Variants in PDE11A observed in about 807,000 individuals in gnomAD.
PDE11A encodes dual 3',5'-cyclic-AMP and -GMP phosphodiesterase 11A.
A neutral mutation model predicts 100.5 loss-of-function variants in PDE11A; 100 were observed. The observed-to-expected ratio is 1.00, with a 90% CI of 0.85 to 1.18. The LOEUF is 1.18. PDE11A is among the 50% of genes most tolerant of loss of function. PDE11A has a pLI of 0.00. For synonymous variants in PDE11A, 381 were observed against 420.8 expected (o/e 0.91, Z 1.16); for missense variants, 1,141 against 1,152.6 (o/e 0.99, Z 0.15).
At chr2:178,025,982 T>G (rs1040351885) in intron 1 of PDE11A, among the ~76,000 whole-genome samples, 1 of 151,844 alleles carries the variant, frequency 6.6e-6, no homozygotes, top group Non-Finnish European at 1.5e-5. Flanking sequence ...AGACAAACAG[T>G]CAGAAAGTAG....
chr2:177,955,448 G>A (rs1220722525), intron 2 of PDE11A, among the ~76,000 whole-genome samples: 1 of 152,170 alleles, frequency 6.6e-6, no homozygotes, highest in East Asian at 1.9e-4. Context: ...AGGAGAAAGG[G>A]CAATAAATGA....
At chr2:177,743,536 T>A (rs1574098873) in intron 10 of PDE11A, among the ~76,000 whole-genome samples, 1 of 152,286 alleles carries the variant, frequency 6.6e-6, no homozygotes, top group Middle Eastern at 3.4e-3. Context: ...AGGGTAGAGA[T>A]GTCAGGAAAA....
intron 10 of PDE11A, among the ~76,000 whole-genome samples, chr2:177,749,761 ATT>A (rs386653094): frequency 7.2e-5 from 11 of 152,314 alleles, no homozygotes; most frequent in African/African-American, 2.6e-4. Flanking sequence ...AACTTGAATA[ATT>A]TCTAAGGCCC....
chr2:177,985,680 C>T (rs1271729172), intron 2 of PDE11A, among the ~76,000 whole-genome samples: 1 of 152,338 alleles, frequency 6.6e-6, no homozygotes, highest in East Asian at 1.9e-4. Flanking sequence ...GTGTATCTCA[C>T]TGAACAAGTC....
chr2:177,746,932 T>C (rs562616998), intron 10 of PDE11A, among the ~76,000 whole-genome samples: 1 of 152,158 alleles, frequency 6.6e-6, no homozygotes, highest in African/African-American at 2.4e-5. Context: ...TGAAATAAGA[T>C]AGATACCAGA....
intron 2 of PDE11A, among the ~76,000 whole-genome samples, chr2:177,928,127 G>T (rs1332452113): frequency 9.4e-6 from 1 of 106,128 alleles, no homozygotes; most frequent in African/African-American, 3.6e-5. Context: ...AAAAAAAAAA[G>T]CCATGAGATA....
At chr2:177,987,437 A>C (rs2085953662) in intron 2 of PDE11A, among the ~76,000 whole-genome samples, 1 of 152,196 alleles carries the variant, frequency 6.6e-6, no homozygotes. Flanking sequence ...GAAATGTTTA[A>C]CTTTGAACCA....
chr2:178,076,819 T>C (rs899042633), upstream of PDE11A, among the ~76,000 whole-genome samples: 3 of 152,228 alleles, frequency 2.0e-5, no homozygotes, highest in Admixed American at 2.0e-4. Context: ...TGTGGCTGCA[T>C]TCAACTGGCA....
intron 9 of PDE11A, among the ~76,000 whole-genome samples, chr2:177,795,528 G>A (rs2082694152): frequency 6.6e-6 from 1 of 152,094 alleles, no homozygotes; most frequent in Admixed American, 6.5e-5. Flanking sequence ...ATGGAGAAGG[G>A]GGTGGGGGCT....
chr2:177,987,878 GAAGTCTTTGTA>G (rs1389139179), intron 2 of PDE11A, among the ~76,000 whole-genome samples: 1 of 152,160 alleles, frequency 6.6e-6, no homozygotes, highest in African/African-American at 2.4e-5. Context: ...TTCCTTCAAA[GAAGTCTTTGTA>G]AAGTCTTTCT....
chr2:177,788,524 G>T (rs1211188951), intron 9 of PDE11A, among the ~76,000 whole-genome samples: 2 of 151,338 alleles, frequency 1.3e-5, no homozygotes, highest in Admixed American at 1.3e-4. Flanking sequence ...CAGAAGGCAA[G>T]AAATAACTAA....
chr2:177,725,477 G>A (rs1345483563), intron 12 of PDE11A, among the ~76,000 whole-genome samples: 1 of 151,958 alleles, frequency 6.6e-6, no homozygotes, highest in Non-Finnish European at 1.5e-5. Flanking sequence ...TTTTTGTTTT[G>A]TGATCTCCTC....
chr2:178,082,423 A>G (rs2105879322), intron 2 of PDE11A, among the ~76,000 whole-genome samples: 1 of 152,312 alleles, frequency 6.6e-6, no homozygotes, highest in African/African-American at 2.4e-5. Context: ...ATGTCAACTA[A>G]AAAATGCCAG....
chr2:177,741,852 T>A (rs1468684471), intron 10 of PDE11A, among the ~76,000 whole-genome samples: 1 of 152,084 alleles, frequency 6.6e-6, no homozygotes, highest in African/African-American at 2.4e-5. Context: ...GAGATGAGCC[T>A]AGGCAAGATC....
At chr2:177,769,394 AT>A (rs774860603) in intron 9 of PDE11A, 21 bp from the exon 10 acceptor site, 47 of 1,410,408 alleles carry the variant, frequency 3.3e-5, no homozygotes, top group African/African-American at 7.0e-5. Context: ...AGAAAAAAAA[AT>A]AATTTTAATA....
intron 19 of PDE11A, among the ~76,000 whole-genome samples, chr2:177,653,619 G>C (rs1421674865): frequency 6.6e-6 from 1 of 152,172 alleles, no homozygotes; most frequent in Non-Finnish European, 1.5e-5. Flanking sequence ...AGAAGGTCAT[G>C]TGAAAACACA....
intron 2 of PDE11A, among the ~76,000 whole-genome samples, chr2:178,092,177 G>T (rs1218204887): frequency 6.6e-6 from 1 of 152,104 alleles, no homozygotes; most frequent in Non-Finnish European, 1.5e-5. Context: ...AAATTACAGA[G>T]AAATAAGTAT....
In PDE11A at chr2:177,759,201, A is replaced by ACG. The variant is rs58029037; in HGVS notation, c.1788+10120_1788+10121dup. 9.9e-3 allele frequency among the ~76,000 whole-genome samples: 1,485 copies of ACG among 149,630 alleles called. 21 individuals are homozygous for ACG. The highest frequency in any genetic ancestry group is 0.044 in the East Asian group (228 of 5,142). ...CACACACACACACACACACACACACACGCACACACAAATGGAAACAGTATC... is the reference window on the plus strand; with the variant it reads ...CACACACACACACACACACACACACACGCGCACACACAAATGGAAACAGTATC... On this transcript the variant is annotated intron_variant, in intron 10 of 19. Coordinates refer to ENST00000286063, the MANE Select transcript of PDE11A (RefSeq NM_016953.4).
At chr2:177,950,728 G>A (rs1411375427) in intron 2 of PDE11A, among the ~76,000 whole-genome samples, 1 of 152,176 alleles carries the variant, frequency 6.6e-6, no homozygotes, top group Non-Finnish European at 1.5e-5. Flanking sequence ...TGGCTAACAC[G>A]GTGAAACCCC....
Sources: allele counts gnomAD v4.1 joint callset (sites outside exome capture counted in the v4.1 genomes callset), GRCh38; gene constraint gnomAD v4.1.1; transcripts MANE v1.5; gene names NCBI Gene and HGNC (gene_info 2026-07-23, HGNC 2026-07-21).